The following SNX14 variants were observed in gnomAD, a reference collection of about 807,000 sequenced individuals.
The protein encoded by SNX14 is sorting nexin-14.
SNX14 carries 93 observed loss-of-function variants against 133.8 expected under a neutral mutation model. The observed-to-expected ratio is 0.70, with a 90% confidence interval of 0.59 to 0.83. The LOEUF is 0.83. Among genes scored for constraint, SNX14 ranks in the 40% least tolerant of loss-of-function variants. The pLI is 0.00. For synonymous variants in SNX14, 368 were observed against 365.6 expected (o/e 1.01, Z -0.07); for missense variants, 945 against 1,094.9 (o/e 0.86, Z 1.93).
At chr6:85,529,974 TA>T (rs1022178632) in intron 19 of SNX14, among the ~76,000 whole-genome samples, 2 of 152,056 alleles carry the variant, frequency 1.3e-5, no homozygotes, top group Non-Finnish European at 1.5e-5. Context: ...TGATTTTATT[TA>T]AAAAAAGCAT....
intron 4 of SNX14, chr6:85,567,957 T>C (rs72905374): frequency 0.06 from 9,294 of 155,218 alleles, 406 homozygotes; most frequent in Non-Finnish European, 0.088. Flanking sequence ...TACACCAGCC[T>C]GGGCGACAGA....
intron 26 of SNX14, among the ~76,000 whole-genome samples, chr6:85,511,613 T>C (rs1418944065): frequency 1.3e-5 from 2 of 152,240 alleles, no homozygotes; most frequent in Non-Finnish European, 2.9e-5. Context: ...AAGTGGGTGT[T>C]AGATTTTGTC....
chr6:85,543,693 T>G lies in SNX14; in HGVS notation c.1176A>C (p.Glu392Asp). The change falls in exon 13 of 29, where the codon GAA (glutamate) becomes GAC (aspartate). Residue 392 changes from glutamate to aspartate, a missense_variant. Around this residue, in one of 3 missense-constraint regions of SNX14, gnomAD observed 514 missense variants for 538.8 expected, o/e 0.95. Transcript: ENST00000314673. The part of the protein sequence containing the change: ...SNDEMLSLHE[E>D]LQKIYKTYCL... ...AGTATGTTTTATAAATCTTCTGCAA[T>G]TCTTCATGAAGAGACAGCATTTCAT... 1 of 1,591,320 alleles carries G rather than the reference T, an allele frequency of 6.3e-7. No individual in the cohort carries two copies. Among genetic ancestry groups the G allele is most frequent in the Non-Finnish European group, 8.6e-7 (1 of 1,167,192 alleles).
intron 21 of SNX14, among the ~76,000 whole-genome samples, chr6:85,519,823 C>A (rs892544172): frequency 6.6e-6 from 1 of 151,944 alleles, no homozygotes. Flanking sequence ...GAACTGAGAT[C>A]GTGCCACTGA....
chr6:85,537,409 A>G (rs909570761), intron 16 of SNX14, among the ~76,000 whole-genome samples: 1 of 152,192 alleles, frequency 6.6e-6, no homozygotes, highest in Non-Finnish European at 1.5e-5. Flanking sequence ...GAACTTTAAG[A>G]AAAAGAATAG....
chr6:85,522,958 C>T (rs761907221), intron 21 of SNX14, among the ~76,000 whole-genome samples: 6 of 152,140 alleles, frequency 3.9e-5, no homozygotes, highest in Non-Finnish European at 8.8e-5. Flanking sequence ...CAAATGATAC[C>T]TTCCTAAGAA....
chr6:85,543,529 C>G, intron 13 of SNX14, 76 bp downstream of exon 13: 1 of 1,290,020 alleles, frequency 7.8e-7, no homozygotes, highest in Non-Finnish European at 1.1e-6. Context: ...CAGCTAGCCA[C>G]TGCAATAATA....
At chr6:85,559,848 T>A (rs1328502102) in intron 6 of SNX14, among the ~76,000 whole-genome samples, 1 of 152,202 alleles carries the variant, frequency 6.6e-6, no homozygotes, top group African/African-American at 2.4e-5. Context: ...TGAATGGACA[T>A]TTCTTCAAAG....
chr6:85,593,842 AG>A lies in SNX14; in HGVS notation c.-125del. The A allele has an allele frequency of 9.2e-6, 14 of 1,515,214 alleles. No homozygotes were observed. Among genetic ancestry groups the A allele is most frequent in the Non-Finnish European group, 1.2e-5 (14 of 1,138,064 alleles). The allele number at this position is 1,515,214 out of a possible 1,614,324, so 93.9% of individuals were successfully genotyped here. A position where few individuals can be genotyped will look rare whatever the true frequency, so the allele number is the denominator to read the frequency against. Reference sequence around the variant, plus strand: ...CGCACACAGACGCCTACCGGCAGTTAGCCGCCGCAGGCTGAGGTCGCGTCCG... The same window carrying A: ...CGCACACAGACGCCTACCGGCAGTTACCGCCGCAGGCTGAGGTCGCGTCCG... On this transcript the variant is annotated 5_prime_UTR_variant, in exon 1 of 29. Coordinates refer to ENST00000314673, the MANE Select transcript of SNX14 (RefSeq NM_153816.6).
chr6:85,566,195 AGATGGGAGAAGGTAAG>A (rs1187491399), intron 5 of SNX14, among the ~76,000 whole-genome samples: 2 of 152,208 alleles, frequency 1.3e-5, no homozygotes, highest in Admixed American at 1.3e-4. Flanking sequence ...TCGTAATGAG[AGATGGGAGAAGGTAAG>A]GGAGTCTTCA....
intron 6 of SNX14, among the ~76,000 whole-genome samples, chr6:85,562,302 T>C (rs1012532493): frequency 6.6e-6 from 1 of 152,198 alleles, no homozygotes; most frequent in Non-Finnish European, 1.5e-5. Flanking sequence ...CTGTTCTAAG[T>C]TCTTTCAGAA....
At chr6:85,519,304 G>A (rs1776050594) in intron 21 of SNX14, among the ~76,000 whole-genome samples, 1 of 152,172 alleles carries the variant, frequency 6.6e-6, no homozygotes, top group African/African-American at 2.4e-5. Flanking sequence ...CACTGATTTA[G>A]TTCCATATAC....
At chr6:85,559,051 A>G (rs1327551550) in intron 6 of SNX14, among the ~76,000 whole-genome samples, 1 of 152,186 alleles carries the variant, frequency 6.6e-6, no homozygotes, top group Non-Finnish European at 1.5e-5. Flanking sequence ...TTCCTTTATC[A>G]AAGGCATGAG....
At chr6:85,526,986 T>C (rs1778691127) in intron 20 of SNX14, among the ~76,000 whole-genome samples, 1 of 152,108 alleles carries the variant, frequency 6.6e-6, no homozygotes, top group Admixed American at 6.5e-5. Context: ...GGAGAATCGG[T>C]TGAACTCGGG....
intron 4 of SNX14, among the ~76,000 whole-genome samples, chr6:85,569,592 GC>G (rs1413879766): frequency 6.6e-6 from 1 of 152,094 alleles, no homozygotes; most frequent in Admixed American, 6.6e-5. Flanking sequence ...CATCAGCATA[GC>G]CCTTAAAGTC....
intron 7 of SNX14, among the ~76,000 whole-genome samples, chr6:85,555,119 T>C (rs1350504198): frequency 2.6e-5 from 4 of 152,124 alleles, no homozygotes; most frequent in African/African-American, 4.8e-5. Flanking sequence ...ATATACAACG[T>C]CACTCTCATA....
chr6:85,574,541 A>G (rs1187495442), intron 1 of SNX14, among the ~76,000 whole-genome samples, 163 bp from the exon 2 acceptor site: 2 of 152,208 alleles, frequency 1.3e-5, no homozygotes, highest in African/African-American at 2.4e-5. Flanking sequence ...TACAAGAATC[A>G]TAAGATGTAT....
chr6:85,546,039 G>A (rs1236042378), intron 12 of SNX14, among the ~76,000 whole-genome samples: 2 of 152,174 alleles, frequency 1.3e-5, no homozygotes, highest in Non-Finnish European at 2.9e-5. Flanking sequence ...TATCCTGAGT[G>A]AAGGAAGCTA....
intron 8 of SNX14, among the ~76,000 whole-genome samples, chr6:85,549,315 T>TC: frequency 6.6e-6 from 1 of 152,094 alleles, no homozygotes; most frequent in East Asian, 1.9e-4. Context: ...CTAGATGACC[T>TC]CCAATTCTTT....
Sources: gnomAD v4.1 joint callset for allele counts (sites outside exome capture counted in the v4.1 genomes callset) on GRCh38, gnomAD v4.1.1 for gene constraint, gnomAD v4.1.1 regional missense constraint, MANE v1.5 for transcripts, NCBI Gene and HGNC (gene_info 2026-07-23, HGNC 2026-07-21) for gene names.